The following PRKG1 variants were observed in gnomAD, a reference collection of about 807,000 sequenced individuals.
PRKG1 encodes cGMP-dependent protein kinase 1.
Under a neutral mutation model 88.1 loss-of-function variants are expected in PRKG1, and 35 were observed. The ratio of observed to expected loss-of-function variants is 0.40; its 90% CI spans 0.30 to 0.53. PRKG1 has a LOEUF of 0.53. Ranked by LOEUF, PRKG1 falls within the 20% of genes least tolerant of loss-of-function variation. The pLI is 0.59. For missense variants in PRKG1, 540 were observed against 839.8 expected (o/e 0.64, Z 4.41); for synonymous variants, 303 against 292.5 (o/e 1.04, Z -0.37).
At chr10:52,250,409 C>A (rs1841142629) in intron 9 of PRKG1, among the ~76,000 whole-genome samples, 1 of 152,126 alleles carries the variant, frequency 6.6e-6, no homozygotes, top group African/African-American at 2.4e-5. Context: ...TTTCACAAAT[C>A]CCCCAAGTGG....
chr10:52,289,918 A>G (rs1842202223), intron 16 of PRKG1, among the ~76,000 whole-genome samples: 1 of 152,176 alleles, frequency 6.6e-6, no homozygotes, highest in Admixed American at 6.6e-5. Flanking sequence ...AGGGCCAGAC[A>G]CATTATGACA....
At chr10:52,132,714 C>T (rs1282431121) in intron 7 of PRKG1, among the ~76,000 whole-genome samples, 1 of 151,970 alleles carries the variant, frequency 6.6e-6, no homozygotes, top group Non-Finnish European at 1.5e-5. Context: ...TATTAATTAA[C>T]TTAGAAATTT....
intron 5 of PRKG1, among the ~76,000 whole-genome samples, chr10:51,929,346 CTTT>C (rs67175480): frequency 3.6e-5 from 4 of 109,662 alleles, no homozygotes; most frequent in East Asian, 2.7e-4. Flanking sequence ...GAATTCCTTC[CTTT>C]TTTTTTTTTT....
In PRKG1 at chr10:52,170,369, A is replaced by G. The variant is rs143545040; in HGVS notation, c.1076+8406A>G. 9.2e-5 allele frequency among the ~76,000 whole-genome samples: 14 copies of G among 152,342 alleles called. No homozygotes were observed. The East Asian group carries it at 2.7e-3, about 29-fold the overall frequency. On this transcript the variant is annotated intron_variant, in intron 9 of 17. Coordinates refer to ENST00000373980, the MANE Select transcript of PRKG1 (RefSeq NM_006258.4). ...CATTCATAATAGATTCACATAATAT[A>G]GGAAGAAAATATTAGAAGTAAACAA...
At chr10:51,440,800 C>G (rs540980386) in intron 2 of PRKG1, among the ~76,000 whole-genome samples, 1 of 151,702 alleles carries the variant, frequency 6.6e-6, no homozygotes, top group African/African-American at 2.4e-5. Flanking sequence ...AGAAACTTCT[C>G]CAGGAAAGGT....
At chr10:52,093,408 G>T (rs1589600613) in intron 7 of PRKG1, among the ~76,000 whole-genome samples, 1 of 152,076 alleles carries the variant, frequency 6.6e-6, no homozygotes, top group East Asian at 1.9e-4. Context: ...GCTACTTAAG[G>T]AATTTAGGTG....
intron 1 of PRKG1, among the ~76,000 whole-genome samples, chr10:51,015,085 C>A (rs1370310458): frequency 3.9e-5 from 6 of 152,198 alleles, no homozygotes; most frequent in Non-Finnish European, 8.8e-5. Flanking sequence ...AAACCACACC[C>A]ATATTTCTAT....
intron 3 of PRKG1, among the ~76,000 whole-genome samples, chr10:51,718,824 T>C (rs1180392163): frequency 6.9e-6 from 1 of 144,416 alleles, no homozygotes; most frequent in African/African-American, 2.7e-5. Flanking sequence ...GGAGTAAGGA[T>C]AGTTAATGAG....
chr10:51,652,802 C>T (rs1028204947), intron 3 of PRKG1, among the ~76,000 whole-genome samples: 2 of 152,094 alleles, frequency 1.3e-5, no homozygotes, highest in Non-Finnish European at 2.9e-5. Flanking sequence ...GTCACCATGC[C>T]GTGCAACAGA....
chr10:51,759,386 C>T (rs1258636081), intron 3 of PRKG1, among the ~76,000 whole-genome samples: 3 of 152,014 alleles, frequency 2.0e-5, no homozygotes, highest in Admixed American at 2.0e-4. Context: ...CCTGCCTCAG[C>T]CTCCCAAGTA....
chr10:51,728,230 AG>A (rs1842182204), intron 3 of PRKG1, among the ~76,000 whole-genome samples: 1 of 152,104 alleles, frequency 6.6e-6, no homozygotes, highest in African/African-American at 2.4e-5. Flanking sequence ...GAAAGTGCAA[AG>A]TAATTGATTC....
chr10:51,698,792 A>G (rs1210120065), intron 3 of PRKG1: 1 of 1,614,056 alleles, frequency 6.2e-7, no homozygotes, highest in African/African-American at 1.3e-5. Flanking sequence ...AGTCTGCATC[A>G]GAGGAGGAAT....
chr10:51,920,811 G>A (rs1342694110), intron 5 of PRKG1, among the ~76,000 whole-genome samples: 1 of 151,816 alleles, frequency 6.6e-6, no homozygotes, highest in Non-Finnish European at 1.5e-5. Context: ...CTCATGAGTA[G>A]ACCTTATTAT....
intron 1 of PRKG1, among the ~76,000 whole-genome samples, chr10:50,993,867 A>C (rs2132708031): frequency 6.6e-6 from 1 of 152,284 alleles, no homozygotes; most frequent in East Asian, 1.9e-4. Context: ...GAAATGGCTA[A>C]TCTTGGGTAT....
In PRKG1 at chr10:52,024,461, T is replaced by C. The variant is rs570695449; in HGVS notation, c.763-30023T>C. ...CATCATTTACATTAGGTATTTCTCCTAATGCTATCCCTCCCCCATTCCCCC... is the reference window on the plus strand; with the variant it reads ...CATCATTTACATTAGGTATTTCTCCCAATGCTATCCCTCCCCCATTCCCCC... On this transcript the variant is annotated intron_variant, in intron 5 of 17. Transcript: ENST00000373980. 3.0e-3 allele frequency among the ~76,000 whole-genome samples: 462 copies of C among 152,266 alleles called. 2 individuals are homozygous for C. Among genetic ancestry groups the C allele is most frequent in the African/African-American group, 0.011 (442 of 41,552 alleles).
chr10:51,698,514 T>C (rs1841369539), intron 3 of PRKG1: 2 of 1,614,148 alleles, frequency 1.2e-6, no homozygotes, highest in Non-Finnish European at 1.7e-6. Flanking sequence ...ACTTCTCCAG[T>C]GACTGAAAGC....
intron 6 of PRKG1, 43 bp from the exon 7 acceptor site, chr10:52,062,494 T>A: frequency 7.9e-7 from 1 of 1,258,082 alleles, no homozygotes; most frequent in South Asian, 1.5e-5. Flanking sequence ...TTGTCCATTG[T>A]GGGTAAGCAG....
chr10:51,503,229 A>G (rs544787877), intron 3 of PRKG1, among the ~76,000 whole-genome samples: 50 of 152,222 alleles, frequency 3.3e-4, no homozygotes, highest in African/African-American at 1.2e-3. Flanking sequence ...GTTTGTTCCC[A>G]TAGAACCCTC....
intron 9 of PRKG1, among the ~76,000 whole-genome samples, chr10:52,209,465 C>A (rs1055623937): frequency 2.0e-5 from 3 of 152,108 alleles, no homozygotes; most frequent in South Asian, 2.1e-4. Flanking sequence ...ATTACCAATT[C>A]TTTCAAAAGA....
Sources: gnomAD v4.1 joint callset for allele counts (sites outside exome capture counted in the v4.1 genomes callset) on GRCh38, gnomAD v4.1.1 for gene constraint, MANE v1.5 for transcripts, NCBI Gene and HGNC (gene_info 2026-07-23, HGNC 2026-07-21) for gene names.